The following C8orf34 variants were observed in gnomAD, a reference collection of about 807,000 sequenced individuals.
C8orf34 encodes chromosome 8 open reading frame 34, also known as uncharacterized protein C8orf34.
Under a neutral mutation model 68.3 loss-of-function variants are expected in C8orf34, and 65 were observed. The ratio of observed to expected loss-of-function variants is 0.95; its 90% CI spans 0.78 to 1.17. The LOEUF (loss-of-function observed/expected upper bound fraction) is 1.17. C8orf34 is among the 50% of genes most tolerant of loss of function. The pLI is 0.00. For missense variants in C8orf34, 664 were observed against 655.4 expected (o/e 1.01, Z -0.14); for synonymous variants, 244 against 241.2 (o/e 1.01, Z -0.11).
rs149661037 is a variant in C8orf34, at chr8:68,384,956, G to A, written c.327+53617G>A. Among the ~76,000 whole-genome samples, 826 of 152,240 alleles carry A rather than the reference G, an allele frequency of 5.4e-3. 6 individuals carry two copies. The highest frequency in any genetic ancestry group is 0.018 in the African/African-American group (730 of 41,544). On this transcript the variant is annotated intron_variant, in intron 1 of 13. Transcript: ENST00000518698. Reference sequence around the variant, plus strand: ...GATTAACTTTACACACCAGAAAATAGGGTGTTCTTGATTAAGAAGAAGCTG... The same window carrying A: ...GATTAACTTTACACACCAGAAAATAAGGTGTTCTTGATTAAGAAGAAGCTG...
At chr8:68,749,420 GA>G (rs1822629945) in intron 10 of C8orf34, among the ~76,000 whole-genome samples, 1 of 151,750 alleles carries the variant, frequency 6.6e-6, no homozygotes, top group African/African-American at 2.4e-5. Context: ...ACACAGAACA[GA>G]AAGGACAAAT....
intron 1 of C8orf34, among the ~76,000 whole-genome samples, chr8:68,411,399 C>T (rs998244569): frequency 6.6e-6 from 1 of 152,128 alleles, no homozygotes; most frequent in Admixed American, 6.6e-5. Context: ...TTGTCCATTG[C>T]CTCAGCAGAA....
intron 10 of C8orf34, among the ~76,000 whole-genome samples, chr8:68,766,390 T>G (rs935155637): frequency 6.6e-6 from 1 of 152,328 alleles, no homozygotes; most frequent in African/African-American, 2.4e-5. Flanking sequence ...CTTAGAGAAT[T>G]TATACAGGTA....
At position 68,708,881 on chromosome 8, in the gene C8orf34, G is replaced by A; in HGVS notation, c.1242-113G>A. 4.1e-6 allele frequency: 3 copies of A among 737,028 alleles called. No homozygotes were observed. In the South Asian group the frequency reaches 5.0e-5, roughly 12 times the overall value. The allele number at this position is 737,028 out of a possible 1,614,324, so 45.7% of individuals were successfully genotyped here. The stretch of plus-strand genomic sequence containing the variant: ...GAACTTGTATTTCTATTTTGAACAT[G>A]CATATCTGAGTTTAGAGTCTAGAAG... On this transcript the variant is annotated intron_variant, in intron 8 of 13. Transcript: ENST00000518698.
intron 10 of C8orf34, among the ~76,000 whole-genome samples, chr8:68,734,814 T>G (rs1659806797): frequency 1.3e-5 from 2 of 152,172 alleles, no homozygotes; most frequent in Admixed American, 6.6e-5. Context: ...TGGCGGGTAG[T>G]GGGATACATG....
chr8:68,769,278 C>A (rs1244794176), intron 10 of C8orf34, among the ~76,000 whole-genome samples: 1 of 151,734 alleles, frequency 6.6e-6, no homozygotes, highest in East Asian at 1.9e-4. Context: ...AAGATTTTTT[C>A]TAAAGAAAAA....
intron 1 of C8orf34, among the ~76,000 whole-genome samples, chr8:68,359,585 G>C (rs1806897559): frequency 6.6e-6 from 1 of 152,144 alleles, no homozygotes; most frequent in African/African-American, 2.4e-5. Context: ...GTGCCAGGTG[G>C]GGAAGTGGAA....
intron 1 of C8orf34, among the ~76,000 whole-genome samples, chr8:68,335,128 A>T (rs1482363519): frequency 6.6e-6 from 1 of 152,182 alleles, no homozygotes; most frequent in African/African-American, 2.4e-5. Flanking sequence ...TAATACATGA[A>T]AAGAAATATT....
intron 7 of C8orf34, among the ~76,000 whole-genome samples, chr8:68,571,879 A>T (rs1474518900): frequency 2.6e-5 from 4 of 152,060 alleles, no homozygotes; most frequent in Admixed American, 1.3e-4. Context: ...ATATATAGTT[A>T]TGTGTTGCTT....
intron 8 of C8orf34, among the ~76,000 whole-genome samples, chr8:68,691,915 G>A (rs1426299778): frequency 1.3e-5 from 2 of 152,022 alleles, no homozygotes; most frequent in Admixed American, 1.3e-4. Flanking sequence ...ATAAGTTTGT[G>A]TTAAGAATTA....
At chr8:68,684,569 A>G (rs879824685) in intron 8 of C8orf34, among the ~76,000 whole-genome samples, 2 of 152,176 alleles carry the variant, frequency 1.3e-5, no homozygotes, top group Non-Finnish European at 2.9e-5. Context: ...TGGGTTGGCA[A>G]TGAATAATTT....
chr8:68,500,477 T>G (rs912847919), intron 5 of C8orf34, among the ~76,000 whole-genome samples: 1 of 152,170 alleles, frequency 6.6e-6, no homozygotes. Context: ...TTAAACAAGG[T>G]TGGTGCATTA....
chr8:68,688,494 T>C (rs1375649845), intron 8 of C8orf34, among the ~76,000 whole-genome samples: 1 of 152,032 alleles, frequency 6.6e-6, no homozygotes, highest in Non-Finnish European at 1.5e-5. Flanking sequence ...GGAATATAAA[T>C]CAGTATGTTA....
At chr8:68,585,837 A>G (rs1011863256) in intron 7 of C8orf34, among the ~76,000 whole-genome samples, 1 of 152,142 alleles carries the variant, frequency 6.6e-6, no homozygotes, top group Non-Finnish European at 1.5e-5. Flanking sequence ...AGAGACAGAA[A>G]GAGAAAGAGA....
chr8:68,622,077 G>C (rs940697692), intron 7 of C8orf34, among the ~76,000 whole-genome samples: 1 of 152,226 alleles, frequency 6.6e-6, no homozygotes, highest in African/African-American at 2.4e-5. Context: ...ACAGAATTCA[G>C]TTCATTAAGT....
upstream of C8orf34, among the ~76,000 whole-genome samples, chr8:68,330,488 C>T (rs1251712558): frequency 6.6e-6 from 1 of 152,082 alleles, no homozygotes; most frequent in Non-Finnish European, 1.5e-5. Flanking sequence ...ACCCTTAAAC[C>T]CACGCACCTT....
chr8:68,541,242 T>A (rs573750122), intron 7 of C8orf34, among the ~76,000 whole-genome samples: 4 of 152,102 alleles, frequency 2.6e-5, no homozygotes, highest in Admixed American at 1.3e-4. Flanking sequence ...GTGGGATGAT[T>A]GCTTGAGTTC....
At chr8:68,644,782 A>G (rs1819116349) in intron 8 of C8orf34, among the ~76,000 whole-genome samples, 1 of 152,186 alleles carries the variant, frequency 6.6e-6, no homozygotes, top group Admixed American at 6.5e-5. Context: ...CAGAATCCAG[A>G]CAGAGTGAGC....
At chr8:68,807,846 G>C (rs1824531951) in intron 12 of C8orf34, among the ~76,000 whole-genome samples, 1 of 152,230 alleles carries the variant, frequency 6.6e-6, no homozygotes, top group Admixed American at 6.5e-5. Context: ...AAGATTTTAA[G>C]TTGGGCTTTA....
Sources: gnomAD v4.1 joint callset for allele counts (sites outside exome capture counted in the v4.1 genomes callset) on GRCh38, gnomAD v4.1.1 for gene constraint, MANE v1.5 for transcripts, NCBI Gene and HGNC (gene_info 2026-07-23, HGNC 2026-07-21) for gene names.